ARHGEF4: variants seen among roughly 807,000 people sequenced by gnomAD.
The protein encoded by ARHGEF4 is Rho guanine nucleotide exchange factor 4.
A neutral mutation model predicts 162.0 loss-of-function variants in ARHGEF4; 119 were observed. The observed-to-expected ratio is 0.73, with a 90% CI of 0.63 to 0.86. ARHGEF4 has a LOEUF of 0.86. Among genes scored for constraint, ARHGEF4 ranks in the 40% least tolerant of loss-of-function variants. The pLI is 0.00. For missense variants in ARHGEF4, 2,488 were observed against 2,456.0 expected (o/e 1.01, Z -0.28); for synonymous variants, 1,014 against 979.9 (o/e 1.03, Z -0.65).
At chr2:130,877,099 C>T (rs914512181) in intron 1 of ARHGEF4, among the ~76,000 whole-genome samples, 29 of 152,134 alleles carry the variant, frequency 1.9e-4, no homozygotes, top group African/African-American at 5.8e-4. Flanking sequence ...AGGCTCCAAC[C>T]CGCTCTCCGT....
chr2:130,899,986 A>G (rs145732851), intron 1 of ARHGEF4, among the ~76,000 whole-genome samples: 2 of 152,220 alleles, frequency 1.3e-5, no homozygotes, highest in East Asian at 3.9e-4. Context: ...TCCTCTTTGA[A>G]CTATGGAAAA....
In ARHGEF4 at chr2:130,885,522, G is replaced by A. The variant is rs182314274; in HGVS notation, c.40-28464G>A. Among the ~76,000 whole-genome samples, 11 of 151,190 alleles carry A rather than the reference G, an allele frequency of 7.3e-5. No homozygotes were observed. The South Asian group carries it at 8.4e-4, about 12-fold the overall frequency. On this transcript the variant is annotated intron_variant, in intron 1 of 13. Transcript: ENST00000409359. ...CACATGCTTTTTGTAGTGGAGGGGGGTGAGGGCATATTCAAACCATAGCAC... is the reference window on the plus strand; with the variant it reads ...CACATGCTTTTTGTAGTGGAGGGGGATGAGGGCATATTCAAACCATAGCAC...
intron 4 of ARHGEF4, among the ~76,000 whole-genome samples, chr2:131,009,941 T>G (rs1022509546): frequency 1.3e-5 from 2 of 152,222 alleles, no homozygotes; most frequent in African/African-American, 4.8e-5. Flanking sequence ...GATTCTGTTG[T>G]TTCTCTGAAG....
At position 130,917,114 on chromosome 2, in the gene ARHGEF4, C is replaced by A; in HGVS notation, c.3168C>A (p.Pro1056=). ...IFPEKSWLAS[P]GSPRAQQAGI... is the part of the protein sequence containing the mutation. ...CGGAAAAGTCCTGGCTGGCGTCCCC[C>A]GGCAGCCCTCGGGCCCAGCAGGCTG... Residue 1056 remains proline (P), a synonymous_variant, in exon 2 of 14, where the codon CCC becomes CCA. Transcript: ENST00000409359. 1 of 1,550,452 alleles carries A rather than the reference C, an allele frequency of 6.4e-7. No individual in the cohort carries two copies. The highest frequency in any genetic ancestry group is 8.7e-7 in the Non-Finnish European group (1 of 1,146,972).
intron 4 of ARHGEF4, among the ~76,000 whole-genome samples, chr2:130,962,973 C>T (rs1684722648): frequency 6.6e-6 from 1 of 152,152 alleles, no homozygotes; most frequent in African/African-American, 2.4e-5. Flanking sequence ...TTGTGTGGAG[C>T]TTCTGGGTGG....
chr2:130,979,952 A>G (rs1380812717), intron 4 of ARHGEF4, among the ~76,000 whole-genome samples: 4 of 152,156 alleles, frequency 2.6e-5, no homozygotes, highest in African/African-American at 4.8e-5. Context: ...CATTCTCTCT[A>G]ACATGTTACA....
At position 130,917,440 on chromosome 2, in the gene ARHGEF4, G is replaced by GC. The variant is rs1332824227; in HGVS notation, c.3496dup (p.Gln1166ProfsTer19). 1.9e-6 allele frequency: 3 copies of GC among 1,550,486 alleles called. No homozygotes were observed. The East Asian group carries it at 7.3e-5, about 38-fold the overall frequency. On this transcript the variant is annotated frameshift_variant, in exon 2 of 14. Transcript: ENST00000409359. LOFTEE classifies it high-confidence loss of function. ...CAGAAGGAAGAGAGCAGGGAAGGAG[G>GC]CCAGGGTCCGCGCGGCTTGGGCACA...
chr2:130,916,139 G>T lies in ARHGEF4; in HGVS notation c.2193G>T (p.Glu731Asp), dbSNP rs957959498. Residue 731 changes from glutamate (E) to aspartate (D), a missense_variant, in exon 2 of 14, where the codon GAG (glutamate) becomes GAT (aspartate). By Grantham distance (45) the Glu-to-Asp change is conservative. This residue lies in a region of ARHGEF4 where 1,642 missense variants were observed against 1,481.5 expected (regional missense o/e 1.11). Transcript: ENST00000409359. ...AASEETPSTEEPPGERLRGES... is the reference protein window; with the variant it reads ...AASEETPSTEDPPGERLRGES... ...CGGAAGAGACGCCGAGCACAGAGGA[G>T]CCCCCGGGAGAGAGACTGCGTGGGG... 6.5e-7 allele frequency: 1 copy of T among 1,549,324 alleles called. No individual in the cohort carries two copies. The highest frequency in any genetic ancestry group is 8.7e-7 in the Non-Finnish European group (1 of 1,146,838).
chr2:131,033,656 G>A (rs1197345161), intron 5 of ARHGEF4, among the ~76,000 whole-genome samples: 2 of 152,154 alleles, frequency 1.3e-5, no homozygotes, highest in East Asian at 1.9e-4. Context: ...GGGTACCAGC[G>A]AGACTTTAGA....
At chr2:130,988,857 T>TGC (rs1686698925) in intron 4 of ARHGEF4, among the ~76,000 whole-genome samples, 1 of 23,244 alleles carries the variant, frequency 4.3e-5, no homozygotes, top group African/African-American at 9.3e-5. Flanking sequence ...TTTGTGTGTG[T>TGC]GTGTGTGTGT....
At chr2:131,015,430 A>C (rs935169969) in intron 4 of ARHGEF4, among the ~76,000 whole-genome samples, 4 of 152,236 alleles carry the variant, frequency 2.6e-5, no homozygotes, top group Non-Finnish European at 5.9e-5. Flanking sequence ...AGTGACTATC[A>C]GAGTCAGTGT....
In ARHGEF4 at chr2:131,026,656, TA is replaced by T. The variant is rs1437431823; in HGVS notation, c.3986-1287del. Among the ~76,000 whole-genome samples the T allele has an allele frequency of 2.6e-5, 4 of 152,268 alleles. No homozygotes were observed. The East Asian group carries it at 5.8e-4, about 22-fold the overall frequency. On this transcript the variant is annotated intron_variant, in intron 4 of 13. Coordinates refer to ENST00000409359, the MANE Select transcript of ARHGEF4 (RefSeq NM_001367493.1). ...CATAGATAAAAGGTCAACTCATTAG[TA>T]ATCTAAAATGTCAATTAAAATCACA...
At chr2:130,894,249 C>T (rs530196194) in intron 1 of ARHGEF4, among the ~76,000 whole-genome samples, 2 of 152,268 alleles carry the variant, frequency 1.3e-5, no homozygotes, top group South Asian at 2.1e-4. Flanking sequence ...ATTCTGGATG[C>T]GCTCACCCAT....
chr2:130,949,376 C>T (rs754530322), intron 4 of ARHGEF4, among the ~76,000 whole-genome samples: 8 of 152,126 alleles, frequency 5.3e-5, no homozygotes, highest in East Asian at 3.9e-4. Context: ...TTTTTTGAGA[C>T]GGAGTCTCGC....
At chr2:130,892,427 C>A (rs1679907474) in intron 1 of ARHGEF4, among the ~76,000 whole-genome samples, 1 of 152,200 alleles carries the variant, frequency 6.6e-6, no homozygotes, top group African/African-American at 2.4e-5. Context: ...ACTTCAGACC[C>A]AATCACAAGC....
At chr2:130,866,886 AG>A (rs1682316588) in intron 1 of ARHGEF4, among the ~76,000 whole-genome samples, 1 of 152,100 alleles carries the variant, frequency 6.6e-6, no homozygotes, top group South Asian at 2.1e-4. Flanking sequence ...TCCTGGGATG[AG>A]TTAGGAAGTG....
intron 1 of ARHGEF4, among the ~76,000 whole-genome samples, chr2:130,887,783 T>C (rs1353945554): frequency 1.3e-5 from 2 of 152,182 alleles, no homozygotes; most frequent in African/African-American, 2.4e-5. Context: ...TTGGCCCGGC[T>C]GTCCTCACCA....
rs949392681 is a variant in ARHGEF4, at chr2:130,914,094, C to T, written c.148C>T (p.Arg50Cys). The change falls in exon 2 of 14, where the codon CGC becomes TGC. Residue 50 changes from arginine (R) to cysteine (C), a missense_variant. By Grantham distance (180) the Arg-to-Cys change is radical (BLOSUM62 -3). Coordinates refer to ENST00000409359, the MANE Select transcript of ARHGEF4 (RefSeq NM_001367493.1). ...VEQGWNQQTD[R>C]DDSETLSQQS... ...GCAGGGATGGAACCAGCAAACAGAC[C>T]GCGATGATTCTGAAACGCTGTCCCA... The T allele has an allele frequency of 1.6e-5, 24 of 1,535,968 alleles. No homozygotes were observed. The highest frequency in any genetic ancestry group is 6.8e-5 in the African/African-American group (5 of 73,010).
chr2:130,992,581 C>T (rs992621811), intron 4 of ARHGEF4, among the ~76,000 whole-genome samples: 5 of 152,058 alleles, frequency 3.3e-5, no homozygotes, highest in South Asian at 2.1e-4. Flanking sequence ...CGAACCTATC[C>T]GACCATCAGA....
Sources: gnomAD v4.1 joint callset for allele counts (sites outside exome capture counted in the v4.1 genomes callset) on GRCh38, gnomAD v4.1.1 for gene constraint, gnomAD v4.1.1 regional missense constraint, MANE v1.5 for transcripts, NCBI Gene and HGNC (gene_info 2026-07-23, HGNC 2026-07-21) for gene names.